CNTNAP2: variants seen among roughly 807,000 people sequenced by gnomAD.
CNTNAP2 encodes contactin associated protein 2, also known as contactin-associated protein-like 2.
CNTNAP2 carries 98 observed loss-of-function variants against 155.2 expected under a neutral mutation model. That is an observed-to-expected ratio of 0.63 (90% CI 0.54 to 0.75). The LOEUF (loss-of-function observed/expected upper bound fraction) is 0.75. Ranked by LOEUF, CNTNAP2 falls within the 30% of genes least tolerant of loss-of-function variation. CNTNAP2 has a pLI of 0.00. For synonymous variants in CNTNAP2, 651 were observed against 631.2 expected (o/e 1.03, Z -0.47); for missense variants, 1,727 against 1,688.1 (o/e 1.02, Z -0.40).
chr7:148,100,922 C>A (rs1332498447), intron 15 of CNTNAP2, among the ~76,000 whole-genome samples: 1 of 151,994 alleles, frequency 6.6e-6, no homozygotes, highest in African/African-American at 2.4e-5. Context: ...AAATGTGGCA[C>A]ATATACACCA....
chr7:148,234,130 A>C (rs1796009960), intron 20 of CNTNAP2, among the ~76,000 whole-genome samples: 2 of 152,354 alleles, frequency 1.3e-5, no homozygotes, highest in Non-Finnish European at 1.5e-5. Flanking sequence ...GCAAGAATGG[A>C]CTAATATACC....
At chr7:147,924,143 C>CTTTTCTTTTTTTTTTTTT (rs1554450278) in intron 14 of CNTNAP2, among the ~76,000 whole-genome samples, 1 of 123,492 alleles carries the variant, frequency 8.1e-6, no homozygotes. Flanking sequence ...CTTTTCTTTT[C>CTTTTCTTTTTTTTTTTTT]TTTTTTTTTT....
intron 18 of CNTNAP2, among the ~76,000 whole-genome samples, chr7:148,195,842 A>G (rs963149632): frequency 2.0e-5 from 3 of 152,122 alleles, no homozygotes; most frequent in Non-Finnish European, 2.9e-5. Context: ...CTTTAGAGAA[A>G]TCACTAATAT....
At chr7:146,927,908 A>C (rs1388670479) in intron 3 of CNTNAP2, among the ~76,000 whole-genome samples, 3 of 151,044 alleles carry the variant, frequency 2.0e-5, no homozygotes, top group Non-Finnish European at 4.4e-5. Context: ...GTGTGTATAC[A>C]TATGTATATA....
chr7:146,527,407 T>A (rs541168426), intron 1 of CNTNAP2, among the ~76,000 whole-genome samples: 1 of 152,132 alleles, frequency 6.6e-6, no homozygotes, highest in Non-Finnish European at 1.5e-5. Flanking sequence ...TTTTTGAGAA[T>A]GCAAAGGAAA....
At chr7:147,793,332 T>C (rs1797848567) in intron 13 of CNTNAP2, among the ~76,000 whole-genome samples, 1 of 152,160 alleles carries the variant, frequency 6.6e-6, no homozygotes, top group Non-Finnish European at 1.5e-5. Flanking sequence ...GTTATGTTCA[T>C]GTCTTTAATC....
At chr7:147,775,364 AATAT>A (rs10554154) in intron 13 of CNTNAP2, among the ~76,000 whole-genome samples, 2 of 33,784 alleles carry the variant, frequency 5.9e-5, no homozygotes, top group Non-Finnish European at 9.1e-5. Flanking sequence ...TATATTTATA[AATAT>A]ATATATATTT....
At position 147,862,343 on chromosome 7, in the gene CNTNAP2, A is replaced by C. The variant is rs565910758; in HGVS notation, c.2099-41222A>C. 2.0e-5 allele frequency among the ~76,000 whole-genome samples: 3 copies of C among 152,290 alleles called. No homozygotes were observed. The South Asian group carries it at 6.2e-4, about 32-fold the overall frequency. ...ACCATTCCCCCGTACTCCTCCAAGC[A>C]TTCTATTTGGCTTGTGTCGTATCCA... On this transcript the variant is annotated intron_variant, in intron 13 of 23. Transcript: ENST00000361727.
chr7:147,512,597 T>C (rs1379623969), intron 11 of CNTNAP2, among the ~76,000 whole-genome samples: 1 of 152,178 alleles, frequency 6.6e-6, no homozygotes, highest in Non-Finnish European at 1.5e-5. Context: ...TAGCTTAAAG[T>C]TATTTATCAT....
intron 1 of CNTNAP2, among the ~76,000 whole-genome samples, chr7:146,691,072 T>C (rs1800690358): frequency 6.6e-6 from 1 of 152,168 alleles, no homozygotes; most frequent in African/African-American, 2.4e-5. Flanking sequence ...GCATGTTATA[T>C]GATGCATATC....
Position 148,145,618 on chromosome 7 carries a change from A to T in CNTNAP2, c.2555-1873A>T, listed in dbSNP as rs181858687. 4.3e-3 allele frequency among the ~76,000 whole-genome samples: 650 copies of T among 152,322 alleles called. 5 individuals are homozygous for T. The highest frequency in any genetic ancestry group is 4.0e-3 in the Non-Finnish European group (272 of 68,036). Reference sequence around the variant, plus strand: ...CTTGCTGTTCTGACAACTTACATTTAAAAAATGCTCCTGCTAAAATACAGT... The same window carrying T: ...CTTGCTGTTCTGACAACTTACATTTTAAAAATGCTCCTGCTAAAATACAGT... On this transcript the variant is annotated intron_variant, in intron 16 of 23. Transcript: ENST00000361727.
chr7:148,395,990 T>C (rs1000989491), intron 22 of CNTNAP2, among the ~76,000 whole-genome samples: 4 of 152,146 alleles, frequency 2.6e-5, no homozygotes, highest in Non-Finnish European at 5.9e-5. Flanking sequence ...GTCCCGTTCT[T>C]CTCCCTGGGC....
chr7:146,331,653 C>CA (rs901032849), intron 1 of CNTNAP2, among the ~76,000 whole-genome samples: 113 of 150,502 alleles, frequency 7.5e-4, no homozygotes, highest in African/African-American at 2.2e-3. Context: ...CAAGGAAACT[C>CA]AAAAAAAAAC....
chr7:147,901,223 C>A (rs1292075498), intron 13 of CNTNAP2, among the ~76,000 whole-genome samples: 1 of 152,186 alleles, frequency 6.6e-6, no homozygotes, highest in Non-Finnish European at 1.5e-5. Context: ...ATAAGAGCAT[C>A]ACATCTAGCC....
chr7:147,601,502 TC>T lies in CNTNAP2; in HGVS notation c.1898-37603del, dbSNP rs546559790. Among the ~76,000 whole-genome samples, 521 of 152,060 alleles carry T rather than the reference TC, an allele frequency of 3.4e-3. 3 individuals carry two copies. The highest frequency in any genetic ancestry group is 0.012 in the African/African-American group (505 of 41,484). ...AAGGAATGAACAGGCCATTTTCACG[TC>T]TTTTGTGATTCTTCAGTTACTTCAG... On this transcript the variant is annotated intron_variant, in intron 12 of 23. Coordinates refer to ENST00000361727, the MANE Select transcript of CNTNAP2 (RefSeq NM_014141.6).
At chr7:146,813,767 A>G (rs1241957271) in intron 2 of CNTNAP2, among the ~76,000 whole-genome samples, 1 of 152,068 alleles carries the variant, frequency 6.6e-6, no homozygotes, top group Non-Finnish European at 1.5e-5. Flanking sequence ...TCTCCACCCA[A>G]ATGTCATCTT....
At chr7:146,735,132 A>G (rs1024297201) in intron 1 of CNTNAP2, among the ~76,000 whole-genome samples, 1 of 152,220 alleles carries the variant, frequency 6.6e-6, no homozygotes, top group East Asian at 1.9e-4. Context: ...CCGGTATTAT[A>G]CAGAAAGCAT....
At chr7:147,417,458 G>A (rs1415814374) in intron 10 of CNTNAP2, among the ~76,000 whole-genome samples, 3 of 152,130 alleles carry the variant, frequency 2.0e-5, no homozygotes, top group Non-Finnish European at 4.4e-5. Context: ...ATTCGTGAAA[G>A]TGGGGCCCTC....
At chr7:147,293,054 C>T (rs377242383) in intron 8 of CNTNAP2, among the ~76,000 whole-genome samples, 1 of 152,148 alleles carries the variant, frequency 6.6e-6, no homozygotes, top group South Asian at 2.1e-4. Flanking sequence ...AGGCATAAGC[C>T]ACCACACCCA....
Sources: gnomAD v4.1 joint callset for allele counts (sites outside exome capture counted in the v4.1 genomes callset) on GRCh38, gnomAD v4.1.1 for gene constraint, MANE v1.5 for transcripts, NCBI Gene and HGNC (gene_info 2026-07-23, HGNC 2026-07-21) for gene names.